The following CDX4 variants were observed in gnomAD, a reference collection of about 807,000 sequenced individuals.
CDX4 encodes caudal type homeobox 4, also known as homeobox protein CDX-4.
In CDX4, 11 loss-of-function variants were observed where a neutral mutation model predicts 14.1. The observed-to-expected ratio is 0.78, with a 90% CI of 0.49 to 1.29. The LOEUF (loss-of-function observed/expected upper bound fraction) is 1.29, where lower values mean the gene tolerates loss of function less well. Ranked by LOEUF, CDX4 falls within the 50% of genes most tolerant of loss-of-function variation. CDX4 has a pLI of 0.00. For synonymous variants in CDX4, 100 were observed against 93.5 expected (o/e 1.07, Z -0.40); for missense variants, 257 against 237.4 (o/e 1.08, Z -0.54).
rs143815058 is a variant in CDX4 at position 73,447,613 on chromosome X, C to T, written c.360C>T (p.Gly120=). ...STDYSNLGPV[G]GGTSGSSLPG... is the part of the protein sequence containing the mutation. ...ACTACAGCAACTTGGGCCCTGTGGG[C>T]GGTGGAACTAGCGGCAGCAGCCTAC... Residue 120 remains glycine, a synonymous_variant, in exon 1 of 3, where the codon GGC becomes GGT. Coordinates refer to ENST00000373514, the MANE Select transcript of CDX4 (RefSeq NM_005193.2). 5 of 1,211,367 alleles carry T rather than the reference C, an allele frequency of 4.1e-6. No homozygotes were observed. The African/African-American group carries it at 5.2e-5, about 13-fold the overall frequency.
At chrX:73,450,517 T>C (rs2057083766) in intron 1 of CDX4, among the ~76,000 whole-genome samples, 1 of 111,941 alleles carries the variant, frequency 8.9e-6, no homozygotes, top group African/African-American at 3.2e-5. Context: ...GAGCAGGAAG[T>C]AATTGTGATT....
rs1740306367 is a variant in CDX4 at position 73,454,529 on chromosome X, T to C, written c.799T>C (p.Ser267Pro). ...ACCTAACACTTTTTTCACCACACCA[T>C]CTGCTGTTCGTGGATTTCAACCTAT... ...ELPNTFFTTP[S>P]AVRGFQPIEI... Residue 267 changes from serine (S) to proline (P), a missense_variant, in exon 3 of 3, where the codon TCT (serine) becomes CCT (proline). Transcript: ENST00000373514. 2 of 1,208,179 alleles carry C rather than the reference T, an allele frequency of 1.7e-6. No homozygotes were observed. The highest frequency in any genetic ancestry group is 1.8e-5 in the African/African-American group (1 of 56,938).
intron 1 of CDX4, 98 bp from the exon 2 acceptor site, chrX:73,453,419 G>A (rs1326676537): frequency 3.0e-5 from 19 of 638,042 alleles, no homozygotes. Context: ...ATATTTTAAA[G>A]CAAAGATGAG....
intron 1 of CDX4, among the ~76,000 whole-genome samples, chrX:73,451,929 C>T (rs2057088451): frequency 9.0e-6 from 1 of 111,542 alleles, no homozygotes; most frequent in Non-Finnish European, 1.9e-5. Context: ...GGCAGACTTA[C>T]GGTTTCCAGG....
chrX:73,447,578 T>C lies in CDX4; in HGVS notation c.325T>C (p.Cys109Arg), dbSNP rs1314440437. Residue 109 changes from cysteine to arginine, a missense_variant, in exon 1 of 3, where the codon TGC becomes CGC. Cys to Arg is a radical substitution (Grantham distance 180). Transcript: ENST00000373514. ...CGTGACCTCTAGCCCCGCCGCTTTC[T>C]GCTCGACCGACTACAGCAACTTGGG... is the stretch of plus-strand genomic sequence containing the variant. ...NDVTSSPAAFCSTDYSNLGPV... is the reference protein window; with the variant it reads ...NDVTSSPAAFRSTDYSNLGPV... The C allele has an allele frequency of 4.1e-6, 5 of 1,209,827 alleles. No homozygotes were observed. The highest frequency in any genetic ancestry group is 4.5e-6 in the Non-Finnish European group (4 of 895,105).
rs766658172 is a variant in CDX4, at chrX:73,454,423, G to T, written c.693G>T (p.Met231Ile). ...ATCGCAGAGCCAAGGAGAGAAAGAT[G>T]ATCAAAAAGAAAATCTCCCAGTTTG... ...FQNRRAKERK[M>I]IKKKISQFEN... The change falls in exon 3 of 3, where the codon ATG becomes ATT. Residue 231 changes from methionine to isoleucine, a missense_variant. Physicochemically the swap from Met to Ile is conservative, Grantham distance 10 (BLOSUM62 1). Coordinates refer to ENST00000373514, the MANE Select transcript of CDX4 (RefSeq NM_005193.2). 4.1e-6 allele frequency: 5 copies of T among 1,209,123 alleles called. 1 individual carries two copies. The South Asian group carries it at 7.1e-5, about 17-fold the overall frequency.
chrX:73,448,809 CTG>C (rs1458400225), intron 1 of CDX4, among the ~76,000 whole-genome samples: 1 of 112,260 alleles, frequency 8.9e-6, no homozygotes, highest in African/African-American at 3.2e-5. Context: ...AAAATCGACT[CTG>C]AGTATTTTCA....
At chrX:73,454,355 G>C (rs1241920789) in intron 2 of CDX4, 24 bp from the exon 3 acceptor site, 1 of 1,080,474 alleles carries the variant, frequency 9.3e-7, no homozygotes, top group East Asian at 3.0e-5. Context: ...ACTGCATTCA[G>C]TATGTTGCCC....
At chrX:73,453,298 C>T (rs1413285107) in intron 1 of CDX4, among the ~76,000 whole-genome samples, 1 of 111,200 alleles carries the variant, frequency 9.0e-6, no homozygotes, top group African/African-American at 3.3e-5. Context: ...AGATATATGT[C>T]TATGTCTATA....
intron 2 of CDX4, 46 bp from the exon 3 acceptor site, chrX:73,454,333 A>T (rs1239865795): frequency 2.2e-6 from 2 of 914,081 alleles, no homozygotes. Context: ...AATATCAGAA[A>T]TCACTAAGTT....
rs1171650431 is a variant in CDX4 at position 73,447,339 on chromosome X, C to T, written c.86C>T (p.Thr29Ile). The T allele has an allele frequency of 8.3e-6, 10 of 1,211,167 alleles. No individual in the cohort carries two copies. Among genetic ancestry groups the T allele is most frequent in the Non-Finnish European group, 1.0e-5 (9 of 895,219 alleles). Residue 29 changes from threonine (T) to isoleucine (I), a missense_variant, in exon 1 of 3, where the codon ACA (threonine) becomes ATA (isoleucine). Physicochemically the swap from Thr to Ile is moderately conservative, Grantham distance 89 (BLOSUM62 -1). Transcript: ENST00000373514. ...MSPGGDGTAG[T>I]GGTGGGGSPM... ...CCTGGGGGCGACGGCACAGCTGGGA[C>T]AGGCGGCACAGGGGGCGGTGGGAGT... is the stretch of plus-strand genomic sequence containing the variant.
In CDX4 at chrX:73,454,636, G is replaced by T; in HGVS notation, c.*51G>T. On this transcript the variant is annotated 3_prime_UTR_variant, in exon 3 of 3. Transcript: ENST00000373514. ...GCCCTTTTTTTAGTGATGTCTTTTG[G>T]GTCTCTAAGCTATCTACAGGGGAGT... is the stretch of plus-strand genomic sequence containing the variant. 1 of 960,923 alleles carries T rather than the reference G, an allele frequency of 1.0e-6. No individual in the cohort carries two copies. The highest frequency in any genetic ancestry group is 2.1e-5 in the South Asian group (1 of 46,573). The allele number at this position is 960,923 out of a possible 1,213,427, so 79.2% of individuals were successfully genotyped here. A position where few individuals can be genotyped will look rare whatever the true frequency, so the allele number is the denominator to read the frequency against.
intron 1 of CDX4, among the ~76,000 whole-genome samples, chrX:73,452,243 G>T (rs1225779618): frequency 9.3e-6 from 1 of 107,766 alleles, no homozygotes; most frequent in African/African-American, 3.4e-5. Context: ...GTTCAGAATG[G>T]GATCTGATGC....
At chrX:73,449,013 A>G (rs2057079462) in intron 1 of CDX4, among the ~76,000 whole-genome samples, 1 of 112,005 alleles carries the variant, frequency 8.9e-6, no homozygotes, top group South Asian at 3.8e-4. Context: ...TAGAGTAGCG[A>G]TCCCAAGGTA....
rs1351444146 is a variant in CDX4 at position 73,453,543 on chromosome X, C to T, written c.529C>T (p.Arg177Cys). The T allele has an allele frequency of 3.3e-6, 4 of 1,199,272 alleles. No homozygotes were observed. Among genetic ancestry groups the T allele is most frequent in the African/African-American group, 1.8e-5 (1 of 56,587 alleles). ...TGKTRTKEKYRVVYTDHQRLE... is the reference protein window; with the variant it reads ...TGKTRTKEKYCVVYTDHQRLE... ...GAAAACCAGGACAAAAGAAAAGTATCGTGTAGTTTACACTGATCATCAAAG... is the reference window on the plus strand; with the variant it reads ...GAAAACCAGGACAAAAGAAAAGTATTGTGTAGTTTACACTGATCATCAAAG... Residue 177 changes from arginine (R) to cysteine (C), a missense_variant, in exon 2 of 3, where the codon CGT becomes TGT. Transcript: ENST00000373514.
At chrX:73,453,776 A>G (rs2057097365) in intron 2 of CDX4, 114 bp downstream of exon 2, 1 of 586,026 alleles carries the variant, frequency 1.7e-6, no homozygotes, top group African/African-American at 2.4e-5. Context: ...TTGCATTTCA[A>G]CCACGTGTGA....
chrX:73,447,146 G>C lies in CDX4; in HGVS notation c.-108G>C. 1 of 922,893 alleles carries C rather than the reference G, an allele frequency of 1.1e-6. No individual in the cohort carries two copies. Among genetic ancestry groups the C allele is most frequent in the Non-Finnish European group, 1.5e-6 (1 of 666,790 alleles). The allele number at this position is 922,893 out of a possible 1,213,427, so 76.1% of individuals were successfully genotyped here. On this transcript the variant is annotated 5_prime_UTR_variant, in exon 1 of 3. Coordinates refer to ENST00000373514, the MANE Select transcript of CDX4 (RefSeq NM_005193.2). The stretch of plus-strand genomic sequence containing the variant: ...GCCTGAGGGGTGCAAAAGAGCTTGC[G>C]GCACAACTACGTACTGATAAGTTTA...
Position 73,454,796 on chromosome X carries a change from A to C in CDX4, c.*211A>C. 1 of 385,085 alleles carries C rather than the reference A, an allele frequency of 2.6e-6. No homozygotes were observed. The highest frequency in any genetic ancestry group is 4.8e-5 in the Admixed American group (1 of 20,724). 31.7% of individuals were successfully genotyped at this position (385,085 alleles called of 1,213,427 possible). On this transcript the variant is annotated 3_prime_UTR_variant, in exon 3 of 3. Coordinates refer to ENST00000373514, the MANE Select transcript of CDX4 (RefSeq NM_005193.2). ...CCTGTCACGTGCTGTGCTATATGTC[A>C]GTCACTCAGGAATCTTAGTGGTAAG... is the stretch of plus-strand genomic sequence containing the variant.
intron 1 of CDX4, among the ~76,000 whole-genome samples, chrX:73,451,255 A>T (rs767332493): frequency 9.0e-6 from 1 of 111,528 alleles, no homozygotes; most frequent in South Asian, 3.8e-4. Flanking sequence ...CCCCTTCATC[A>T]TCTGTTCTGG....
Sources: allele counts gnomAD v4.1 joint callset (sites outside exome capture counted in the v4.1 genomes callset), GRCh38; gene constraint gnomAD v4.1.1; transcripts MANE v1.5; gene names NCBI Gene and HGNC (gene_info 2026-07-23, HGNC 2026-07-21).